The following SDK2 variants were observed in gnomAD, a reference collection of about 807,000 sequenced individuals.
SDK2 encodes the protein protein sidekick-2.
SDK2 carries 105 observed loss-of-function variants against 253.9 expected under a neutral mutation model. The ratio of observed to expected loss-of-function variants is 0.41; its 90% CI spans 0.35 to 0.49. The LOEUF (loss-of-function observed/expected upper bound fraction) is 0.49. Ranked by LOEUF, SDK2 falls within the 20% of genes least tolerant of loss-of-function variation. The pLI, the probability that SDK2 is intolerant of heterozygous loss-of-function variation, is 0.06. For missense variants in SDK2, 2,608 were observed against 3,003.0 expected, an observed-to-expected ratio of 0.87 and a Z score of 3.07; for synonymous variants, 1,249 against 1,234.9, an observed-to-expected ratio of 1.01 and a Z score of -0.24.
At chr17:73,391,268 C>G (rs1427226936) in intron 28 of SDK2, among the ~76,000 whole-genome samples, 172 bp downstream of exon 28, 1 of 152,222 alleles carries the variant, frequency 6.6e-6, no homozygotes, top group East Asian at 1.9e-4. Flanking sequence ...GGAAGATAAT[C>G]TTACACACTG....
In SDK2 at chr17:73,644,163, T is replaced by C. The variant is rs2046434146; in HGVS notation, c.-75A>G. On this transcript the variant is annotated 5_prime_UTR_variant, in exon 1 of 45. Coordinates refer to ENST00000392650, the MANE Select transcript of SDK2 (RefSeq NM_001144952.2). The surrounding 1 kb of genome is among the most constrained non-coding windows in gnomAD (Gnocchi z 6.3). ...GTTTTATAATCCTGGTGGGGTCCGA[T>C]ACCCCGTGGCTTAGTCCCAGGAAAC... The C allele has an allele frequency of 7.9e-7, 1 of 1,259,978 alleles. No homozygotes were observed. Among genetic ancestry groups the C allele is most frequent in the South Asian group, 1.3e-5 (1 of 77,172 alleles). 78.0% of individuals were successfully genotyped at this position (1,259,978 alleles called of 1,614,324 possible). A position where few individuals can be genotyped will look rare whatever the true frequency, so the allele number is the denominator to read the frequency against.
In SDK2 at chr17:73,352,758, T is replaced by G. The variant is rs1599475189; in HGVS notation, c.5594-121A>C. 2 of 995,994 alleles carry G rather than the reference T, an allele frequency of 2.0e-6. No homozygotes were observed. Among genetic ancestry groups the G allele is most frequent in the Non-Finnish European group, 3.0e-6 (2 of 673,162 alleles). 61.7% of individuals were successfully genotyped at this position (995,994 alleles called of 1,614,324 possible). On this transcript the variant is annotated intron_variant, in intron 40 of 44. Transcript: ENST00000392650. The surrounding 1 kb of genome is among the most constrained non-coding windows in gnomAD (Gnocchi z 4.1). ...CTGTTGGATCCTCCCTGCTCCACAC[T>G]GAATCGCAGGCCTTGGTCCTCCCTT...
intron 6 of SDK2, among the ~76,000 whole-genome samples, chr17:73,438,421 C>G (rs967971420): frequency 6.6e-6 from 1 of 152,188 alleles, no homozygotes; most frequent in Non-Finnish European, 1.5e-5. Flanking sequence ...GTGCTTGGAA[C>G]AGGGCCTGCT....
intron 43 of SDK2, among the ~76,000 whole-genome samples, chr17:73,349,167 G>A (rs956038982): frequency 2.6e-5 from 4 of 152,152 alleles, no homozygotes; most frequent in Admixed American, 6.5e-5. Context: ...GTAGGGCCCC[G>A]GAGCCAGCCT....
chr17:73,445,933 A>C (rs972440188), intron 5 of SDK2, among the ~76,000 whole-genome samples: 6 of 151,920 alleles, frequency 3.9e-5, no homozygotes, highest in Admixed American at 3.9e-4. Flanking sequence ...TGACCTGCCC[A>C]CCTCCCTGGG....
At chr17:73,444,644 G>A (rs1258481322) in intron 5 of SDK2, among the ~76,000 whole-genome samples, 1 of 152,220 alleles carries the variant, frequency 6.6e-6, no homozygotes, top group East Asian at 1.9e-4. Context: ...TACAGATGGG[G>A]AAACTGAGGC....
rs756692918 is a variant in SDK2, at chr17:73,435,649, G to C, written c.1001-5C>G. 1 of 1,547,204 alleles carries C rather than the reference G, an allele frequency of 6.5e-7. No homozygotes were observed. Among genetic ancestry groups the C allele is most frequent in the African/African-American group, 1.4e-5 (1 of 73,440 alleles). On this transcript the variant is annotated splice_region_variant and splice_polypyrimidine_tract_variant and intron_variant, in intron 8 of 44. Coordinates refer to ENST00000392650, the MANE Select transcript of SDK2 (RefSeq NM_001144952.2). This position sits in a 1 kb window ranked among gnomAD's most constrained non-coding sequence, Gnocchi z 5.7. ...TGATGGAGGGCGGCGGCACACCTGT[G>C]GGCAAGACGTGGGCCCACCGTCAAC...
intron 2 of SDK2, among the ~76,000 whole-genome samples, chr17:73,507,036 A>G (rs1034153623): frequency 6.6e-6 from 1 of 152,228 alleles, no homozygotes; most frequent in African/African-American, 2.4e-5. Flanking sequence ...GTTGCTGCAG[A>G]GCCCACCCCT....
intron 1 of SDK2, among the ~76,000 whole-genome samples, chr17:73,605,801 C>A (rs191247484): frequency 6.6e-6 from 1 of 152,260 alleles, no homozygotes; most frequent in East Asian, 1.9e-4. Flanking sequence ...CTTTGTGGCA[C>A]GCTCAGCACG....
At chr17:73,599,240 GGA>G (rs987650135) in intron 1 of SDK2, among the ~76,000 whole-genome samples, 1 of 152,130 alleles carries the variant, frequency 6.6e-6, no homozygotes, top group African/African-American at 2.4e-5. Flanking sequence ...AGAAAAGAAA[GGA>G]GAGAAGGTGC....
At chr17:73,389,718 A>G (rs1013311937) in intron 29 of SDK2, among the ~76,000 whole-genome samples, 37 of 152,120 alleles carry the variant, frequency 2.4e-4, no homozygotes, top group African/African-American at 8.9e-4. Context: ...GTGAGTGGGG[A>G]GGGGAGAGGG....
Position 73,402,048 on chromosome 17 carries a change from C to T in SDK2, c.2578G>A (p.Gly860Ser). ...AAGTACTCGGTGAACTTCTTCAGGC[C>T]AGACACGAAGCCCACGTGGATGCTG... ...QDSIHVGFVS[G>S]LKKFTEYFTS... The change falls in exon 19 of 45, where the codon GGC becomes AGC. Residue 860 changes from glycine to serine, a missense_variant. This residue lies in a region of SDK2 where 1,505 missense variants were observed against 1,859.1 expected (regional missense o/e 0.81). Coordinates refer to ENST00000392650, the MANE Select transcript of SDK2 (RefSeq NM_001144952.2). 1 of 1,614,014 alleles carries T rather than the reference C, an allele frequency of 6.2e-7. No individual in the cohort carries two copies. The highest frequency in any genetic ancestry group is 8.5e-7 in the Non-Finnish European group (1 of 1,179,878).
chr17:73,520,921 G>A (rs1057214219), intron 1 of SDK2: 4 of 152,306 alleles, frequency 2.6e-5, no homozygotes, highest in Non-Finnish European at 5.9e-5. Flanking sequence ...AATGGGGAGT[G>A]ACTGTGAGTG....
At chr17:73,579,262 A>G (rs575281203) in intron 1 of SDK2, among the ~76,000 whole-genome samples, 1 of 152,148 alleles carries the variant, frequency 6.6e-6, no homozygotes, top group African/African-American at 2.4e-5. Flanking sequence ...TGATCATCTC[A>G]AGATTAAATC....
chr17:73,625,769 C>T (rs1272761570), intron 1 of SDK2, among the ~76,000 whole-genome samples: 2 of 152,036 alleles, frequency 1.3e-5, no homozygotes, highest in African/African-American at 2.4e-5. Context: ...CTCAGCCTCC[C>T]GAGTAGCTGG....
chr17:73,539,659 T>C (rs1217098295), intron 1 of SDK2, among the ~76,000 whole-genome samples: 5 of 152,324 alleles, frequency 3.3e-5, no homozygotes, highest in Admixed American at 2.0e-4. Context: ...CACCAGAAGA[T>C]ACAGTGAAGC....
At position 73,336,984 on chromosome 17, in the gene SDK2, G is replaced by C. The variant is rs2062384451; in HGVS notation, c.*1603C>G. The C allele has an allele frequency of 6.6e-6, 1 of 152,380 alleles. No individual in the cohort carries two copies. The highest frequency in any genetic ancestry group is 2.4e-5 in the African/African-American group (1 of 41,452). 9.4% of individuals were successfully genotyped at this position (152,380 alleles called of 1,614,324 possible). ...CCCTGGCATCCGTAAGTACCAAGTGGACGGGAAGATCCTGGCCACTGGATG... is the reference window on the plus strand; with the variant it reads ...CCCTGGCATCCGTAAGTACCAAGTGCACGGGAAGATCCTGGCCACTGGATG... On this transcript the variant is annotated 3_prime_UTR_variant, in exon 45 of 45. Transcript: ENST00000392650.
At position 73,435,806 on chromosome 17, in the gene SDK2, G is replaced by C. The variant is rs1218122521; in HGVS notation, c.1001-162C>G. Among the ~76,000 whole-genome samples the C allele has an allele frequency of 6.6e-6, 1 of 152,234 alleles. No homozygotes were observed. Among genetic ancestry groups the C allele is most frequent in the Admixed American group, 6.5e-5 (1 of 15,290 alleles). Reference sequence around the variant, plus strand: ...AGGTGCCACTTTGGGTCTAGGGAGAGGAGGAAGATGCTCTTTGAGTGGTAA... The same window carrying C: ...AGGTGCCACTTTGGGTCTAGGGAGACGAGGAAGATGCTCTTTGAGTGGTAA... On this transcript the variant is annotated intron_variant, in intron 8 of 44. Coordinates refer to ENST00000392650, the MANE Select transcript of SDK2 (RefSeq NM_001144952.2). The surrounding 1 kb of genome is among the most constrained non-coding windows in gnomAD (Gnocchi z 5.7).
chr17:73,643,957 T>TGCCCCCCCCCCCCCCCCCCCCC lies in SDK2; in HGVS notation c.64+67_64+68insGGGGGGGGGGGGGGGGGGGGGC. On this transcript the variant is annotated intron_variant, in intron 1 of 44. Transcript: ENST00000392650. The surrounding 1 kb of genome is among the most constrained non-coding windows in gnomAD (Gnocchi z 6.9). ...GGAGGTCACCGTGAGGCCGGCCAGC[T>TGCCCCCCCCCCCCCCCCCCCCC]CCCGCCGCCCCTCCCCCGCCCACTC... 7.6e-5 allele frequency: 78 copies of TGCCCCCCCCCCCCCCCCCCCCC among 1,019,894 alleles called. No individual in the cohort carries two copies. The highest frequency in any genetic ancestry group is 6.2e-4 in the Middle Eastern group (2 of 3,208). The allele number at this position is 1,019,894 out of a possible 1,614,324, so 63.2% of individuals were successfully genotyped here.
Sources: gnomAD v4.1 joint callset for allele counts (sites outside exome capture counted in the v4.1 genomes callset) on GRCh38, gnomAD v4.1.1 for gene constraint, gnomAD v4.1.1 regional missense constraint, Gnocchi (gnomAD v3.1) non-coding constraint, MANE v1.5 for transcripts, NCBI Gene and HGNC (gene_info 2026-07-23, HGNC 2026-07-21) for gene names.